The following POLR2E variants were observed in gnomAD, a reference collection of about 807,000 sequenced individuals.
The protein encoded by POLR2E is RNA polymerase II, I and III subunit E, also known as DNA-directed RNA polymerases I, II, and III subunit RPABC1.
POLR2E carries 35 observed loss-of-function variants against 29.8 expected under a neutral mutation model. That is an observed-to-expected ratio of 1.17 (90% CI 0.90 to 1.55). The LOEUF (loss-of-function observed/expected upper bound fraction) is 1.55, where lower values mean the gene tolerates loss of function less well. Among genes scored for constraint, POLR2E ranks in the 40% most tolerant of loss-of-function variants. The probability of loss-of-function intolerance (pLI) is 0.00; values close to 1 mark genes in which losing one functional copy is unlikely to be tolerated. For missense variants in POLR2E, 287 were observed against 288.6 expected (o/e 0.99, Z 0.04); for synonymous variants, 174 against 112.6 (o/e 1.55, Z -3.45).
chr19:1,089,942 A>C lies in POLR2E; in HGVS notation c.509T>G (p.Leu170Arg). 1 of 1,609,548 alleles carries C rather than the reference A, an allele frequency of 6.2e-7. No individual in the cohort carries two copies. The highest frequency in any genetic ancestry group is 1.3e-5 in the African/African-American group (1 of 74,502). The change falls in exon 6 of 8, where the codon CTG (leucine) becomes CGG (arginine). Residue 170 changes from leucine (L) to arginine (R), a missense_variant. Physicochemically the swap from Leu to Arg is moderately radical, Grantham distance 102. Coordinates refer to ENST00000615234, the MANE Select transcript of POLR2E (RefSeq NM_002695.5). The stretch of plus-strand genomic sequence containing the variant: ...AGGGTCCCCCGCCTGGATCCTGGGC[A>C]GCTGGTTCTCTCGGAGCTTACTGCG... ...LARYKLRENQ[L>R]PRIQAGDPVA... is the part of the protein sequence containing the mutation.
chr19:1,090,870 C>T (rs747592298), intron 4 of POLR2E, 38 bp downstream of exon 4: 26 of 1,572,426 alleles, frequency 1.7e-5, no homozygotes, highest in Non-Finnish European at 2.1e-5. Context: ...GCATCTCTGC[C>T]GGCCCCACGC....
chr19:1,090,164 A>C lies in POLR2E; in HGVS notation c.430-19T>G, dbSNP rs1456161867. On this transcript the variant is annotated intron_variant, in intron 4 of 7. Transcript: ENST00000615234. Reference sequence around the variant, plus strand: ...GGACTAGCTGCCGAGAGAGGAAGCCACCAGGCATCACCAAGGGCTGGTGAG... The same window carrying C: ...GGACTAGCTGCCGAGAGAGGAAGCCCCCAGGCATCACCAAGGGCTGGTGAG... The C allele has an allele frequency of 6.2e-7, 1 of 1,610,838 alleles. No individual in the cohort carries two copies. The highest frequency in any genetic ancestry group is 2.2e-5 in the East Asian group (1 of 44,876).
intron 7 of POLR2E, among the ~76,000 whole-genome samples, chr19:1,088,966 G>C (rs1253298152): frequency 6.6e-6 from 1 of 152,174 alleles, no homozygotes; most frequent in African/African-American, 2.4e-5. Context: ...TGTGAAGTGG[G>C]GCGGCCTGCA....
In POLR2E at chr19:1,089,818, G is replaced by T. The variant is rs2043789825; in HGVS notation, c.567+66C>A. 3.0e-6 allele frequency: 4 copies of T among 1,313,324 alleles called. No individual in the cohort carries two copies. The Admixed American group carries it at 7.2e-5, about 24-fold the overall frequency. The allele number at this position is 1,313,324 out of a possible 1,614,324, so 81.4% of individuals were successfully genotyped here. A position where few individuals can be genotyped will look rare whatever the true frequency, so the allele number is the denominator to read the frequency against. Reference sequence around the variant, plus strand: ...GGGGAGGGGCTGTCGGGGAGGGACAGAAGCCCCCTTCTCCGAGTGGTCAGC... The same window carrying T: ...GGGGAGGGGCTGTCGGGGAGGGACATAAGCCCCCTTCTCCGAGTGGTCAGC... On this transcript the variant is annotated intron_variant, in intron 6 of 7. Coordinates refer to ENST00000615234, the MANE Select transcript of POLR2E (RefSeq NM_002695.5).
intron 2 of POLR2E, among the ~76,000 whole-genome samples, chr19:1,092,525 T>C (rs145632736): frequency 0.092 from 13,954 of 151,022 alleles, 1,083 homozygotes; most frequent in East Asian, 0.43. Flanking sequence ...CAAGGTGAAA[T>C]CCCGTTTCTA....
chr19:1,089,578 G>A (rs200847033), intron 6 of POLR2E, 27 bp from the exon 7 acceptor site: 26 of 1,595,760 alleles, frequency 1.6e-5, no homozygotes, highest in Admixed American at 1.0e-4. Flanking sequence ...CAGGGGCTGC[G>A]AATGCTTGAG....
intron 1 of POLR2E, 94 bp downstream of exon 1, chr19:1,095,165 C>T: frequency 7.5e-7 from 1 of 1,327,048 alleles, no homozygotes; most frequent in Non-Finnish European, 1.1e-6. Flanking sequence ...GCTGCTGCTC[C>T]GACGAGAGTA....
In POLR2E at chr19:1,088,342, C is replaced by A. The variant is rs1454333636; in HGVS notation, c.*393G>T. ...GGCGGGGGCCGCCACGCATCAGGGC[C>A]CCCGAGGGAGGGAAGACGAGGGGTG... is the stretch of plus-strand genomic sequence containing the variant. On this transcript the variant is annotated 3_prime_UTR_variant, in exon 8 of 8. Transcript: ENST00000615234. 1 of 152,322 alleles carries A rather than the reference C, an allele frequency of 6.6e-6. No homozygotes were observed. Among genetic ancestry groups the A allele is most frequent in the Non-Finnish European group, 1.5e-5 (1 of 68,134 alleles). The allele number at this position is 152,322 out of a possible 1,614,324, so 9.4% of individuals were successfully genotyped here.
chr19:1,090,092 G>A lies in POLR2E; in HGVS notation c.483C>T (p.Ala161=), dbSNP rs2043797131. Residue 161 remains alanine, a synonymous_variant, in exon 5 of 8, where the codon GCC becomes GCT. Coordinates refer to ENST00000615234, the MANE Select transcript of POLR2E (RefSeq NM_002695.5). ...GGTGGGGCTGGAAAGGATACTATCG[G>A]GCCAGCAGCTCTGTCACCTCCTCCT... The part of the protein sequence containing the change: ...MTKEEVTELL[A]RYKLRENQLP... 3 of 1,612,392 alleles carry A rather than the reference G, an allele frequency of 1.9e-6. No individual in the cohort carries two copies. The highest frequency in any genetic ancestry group is 1.3e-5 in the African/African-American group (1 of 74,978).
intron 4 of POLR2E, among the ~76,000 whole-genome samples, chr19:1,090,460 ATTT>A (rs58876047): frequency 7.7e-5 from 7 of 90,450 alleles, no homozygotes; most frequent in South Asian, 7.2e-4. Flanking sequence ...CGGGATCTGC[ATTT>A]TTTTTTTTTT....
rs565430142 is a variant in POLR2E at position 1,088,564 on chromosome 19, G to A, written c.*171C>T. 6.6e-6 allele frequency: 1 copy of A among 152,412 alleles called. No homozygotes were observed. The highest frequency in any genetic ancestry group is 2.4e-5 in the African/African-American group (1 of 41,578). 9.4% of individuals were successfully genotyped at this position (152,412 alleles called of 1,614,324 possible). A position where few individuals can be genotyped will look rare whatever the true frequency, so the allele number is the denominator to read the frequency against. Reference sequence around the variant, plus strand: ...GTGAATGGGGCGGGCTGGGCCACAGGAAGCCTCACCCCAGGACGGGAGAAC... The same window carrying A: ...GTGAATGGGGCGGGCTGGGCCACAGAAAGCCTCACCCCAGGACGGGAGAAC... On this transcript the variant is annotated 3_prime_UTR_variant, in exon 8 of 8. Transcript: ENST00000615234.
chr19:1,090,026 G>A, intron 5 of POLR2E, 61 bp downstream of exon 5: 2 of 1,436,474 alleles, frequency 1.4e-6, no homozygotes, highest in Non-Finnish European at 2.0e-6. Flanking sequence ...GTGTGTGGGG[G>A]GGGAACGCGG....
rs79177341 is a variant in POLR2E, at chr19:1,092,128, G to A, written c.233-221C>T. 1.6e-3 allele frequency among the ~76,000 whole-genome samples: 237 copies of A among 152,274 alleles called. 3 individuals carry two copies. In the East Asian group the frequency reaches 0.031, roughly 20 times the overall value. On this transcript the variant is annotated intron_variant, in intron 2 of 7. Transcript: ENST00000615234. ...ATTCACCCGGAGACAGGGACAGGGG[G>A]CTGACACCCCTCAGTCACCCAGAGA...
At chr19:1,093,345 G>C (rs2043877405) in intron 2 of POLR2E, among the ~76,000 whole-genome samples, 1 of 152,252 alleles carries the variant, frequency 6.6e-6, no homozygotes, top group Non-Finnish European at 1.5e-5. Context: ...GCCATACTAG[G>C]GAGGCAGACA....
At position 1,090,849 on chromosome 19, in the gene POLR2E, C is replaced by T. The variant is rs2043813356; in HGVS notation, c.429+59G>A. 2.1e-6 allele frequency: 3 copies of T among 1,456,508 alleles called. No homozygotes were observed. In the South Asian group the frequency reaches 3.5e-5, roughly 17 times the overall value. 90.2% of individuals were successfully genotyped at this position (1,456,508 alleles called of 1,614,324 possible). A position where few individuals can be genotyped will look rare whatever the true frequency, so the allele number is the denominator to read the frequency against. On this transcript the variant is annotated intron_variant, in intron 4 of 7. Coordinates refer to ENST00000615234, the MANE Select transcript of POLR2E (RefSeq NM_002695.5). ...CCAGATCCCACATCTTCCTGGCCAC[C>T]CACAAACGCTGCATCTCTGCCGGCC...
chr19:1,093,420 C>A (rs1028287783), intron 2 of POLR2E, among the ~76,000 whole-genome samples: 3 of 152,122 alleles, frequency 2.0e-5, no homozygotes, highest in Admixed American at 6.5e-5. Context: ...GGAAAAGAGG[C>A]CCGAGCACAA....
rs759776995 is a variant in POLR2E at position 1,086,610 on chromosome 19, TAA to T, written c.*2123_*2124del. On this transcript the variant is annotated 3_prime_UTR_variant, in exon 8 of 8. Transcript: ENST00000615234. Reference sequence around the variant, plus strand: ...CACAGGCACGTTTATTTTGCTGAAATAAAAAGTTTTTAATCGGGTGTTTTCTG... The same window carrying T: ...CACAGGCACGTTTATTTTGCTGAAATAAAGTTTTTAATCGGGTGTTTTCTG... The T allele has an allele frequency of 1.3e-5, 2 of 151,948 alleles. No homozygotes were observed. The highest frequency in any genetic ancestry group is 1.9e-4 in the East Asian group (1 of 5,312). 9.4% of individuals were successfully genotyped at this position (151,948 alleles called of 1,614,324 possible). A position where few individuals can be genotyped will look rare whatever the true frequency, so the allele number is the denominator to read the frequency against.
intron 5 of POLR2E, 37 bp from the exon 6 acceptor site, chr19:1,089,999 G>A (rs202067120): frequency 1.3e-4 from 186 of 1,485,888 alleles, no homozygotes; most frequent in East Asian, 3.5e-4. Context: ...AGACAGGGCC[G>A]TTGGGGGGGC....
At chr19:1,093,095 A>G (rs577676196) in intron 2 of POLR2E, among the ~76,000 whole-genome samples, 1 of 151,628 alleles carries the variant, frequency 6.6e-6, no homozygotes, top group African/African-American at 2.4e-5. Context: ...CTGAGGCAGG[A>G]GAATCGCTTG....
Sources: allele counts gnomAD v4.1 joint callset (sites outside exome capture counted in the v4.1 genomes callset), GRCh38; gene constraint gnomAD v4.1.1; transcripts MANE v1.5; gene names NCBI Gene and HGNC (gene_info 2026-07-23, HGNC 2026-07-21).